The following CDH7 variants were observed in gnomAD, a reference collection of about 807,000 sequenced individuals.
CDH7 encodes the protein cadherin 7.
CDH7 carries 25 observed loss-of-function variants against 71.8 expected under a neutral mutation model. The observed-to-expected ratio is 0.35, with a 90% CI of 0.25 to 0.49. The LOEUF is 0.49. Among genes scored for constraint, CDH7 ranks in the 20% least tolerant of loss-of-function variants. The pLI is 0.99. For synonymous variants in CDH7, 381 were observed against 363.8 expected (o/e 1.05, Z -0.54); for missense variants, 862 against 974.6 (o/e 0.88, Z 1.54).
At chr18:65,827,350 A>G (rs1469709048) in intron 6 of CDH7, among the ~76,000 whole-genome samples, 2 of 151,888 alleles carry the variant, frequency 1.3e-5, no homozygotes, top group African/African-American at 4.8e-5. Context: ...AAATTTCATA[A>G]TATTACTTCT....
At chr18:65,788,758 G>T (rs1599006816) in intron 2 of CDH7, among the ~76,000 whole-genome samples, 1 of 152,294 alleles carries the variant, frequency 6.6e-6, no homozygotes, top group South Asian at 2.1e-4. Flanking sequence ...AAAGGAAAGA[G>T]TTATACCTGC....
rs182660931 is a variant in CDH7, at chr18:65,876,709, C to T, written c.1865-3692C>T. 1.2e-3 allele frequency among the ~76,000 whole-genome samples: 181 copies of T among 152,272 alleles called. 1 individual carries two copies. Among genetic ancestry groups the T allele is most frequent in the African/African-American group, 4.0e-3 (166 of 41,570 alleles). On this transcript the variant is annotated intron_variant, in intron 11 of 11. Coordinates refer to ENST00000397968, the MANE Select transcript of CDH7 (RefSeq NM_004361.5). ...AGTAATTATTACAATTCTACTTTTA[C>T]ATTTATTTATTTTAATGTTTGGATC...
intron 2 of CDH7, among the ~76,000 whole-genome samples, chr18:65,786,380 A>G (rs1910513303): frequency 6.6e-6 from 1 of 152,152 alleles, no homozygotes; most frequent in Non-Finnish European, 1.5e-5. Context: ...ACATTTTACA[A>G]AATTATCATT....
intron 2 of CDH7, among the ~76,000 whole-genome samples, chr18:65,788,622 C>T (rs1910596725): frequency 6.6e-6 from 1 of 152,176 alleles, no homozygotes; most frequent in Admixed American, 6.5e-5. Context: ...CTCTAGCCAC[C>T]TGCAGCCTTC....
At chr18:65,879,920 A>G (rs866446613) in intron 11 of CDH7, among the ~76,000 whole-genome samples, 2 of 152,232 alleles carry the variant, frequency 1.3e-5, no homozygotes, top group African/African-American at 4.8e-5. Context: ...GTTGACTTTC[A>G]TAGAGAAGGA....
chr18:65,824,064 G>A (rs1428900481), intron 5 of CDH7, among the ~76,000 whole-genome samples: 1 of 139,322 alleles, frequency 7.2e-6, no homozygotes, highest in Non-Finnish European at 1.6e-5. Flanking sequence ...AACTAATATT[G>A]TCTAGGCTCC....
intron 11 of CDH7, among the ~76,000 whole-genome samples, chr18:65,875,779 A>G (rs1007274457): frequency 5.3e-5 from 8 of 152,078 alleles, no homozygotes; most frequent in Non-Finnish European, 1.0e-4. Context: ...TGTACAAAAA[A>G]TAGCCATGTG....
At chr18:65,790,164 T>C (rs1368163662) in intron 2 of CDH7, among the ~76,000 whole-genome samples, 1 of 137,692 alleles carries the variant, frequency 7.3e-6, no homozygotes, top group Non-Finnish European at 1.5e-5. Flanking sequence ...GAGTTTGCAG[T>C]GAGCCAAGAT....
chr18:65,805,440 C>G (rs967639308), intron 2 of CDH7, among the ~76,000 whole-genome samples: 4 of 152,110 alleles, frequency 2.6e-5, no homozygotes, highest in Admixed American at 6.5e-5. Flanking sequence ...GATTGGGACT[C>G]ATGCCTAGAA....
chr18:65,803,638 T>A (rs1911204395), intron 2 of CDH7: 1 of 152,088 alleles, frequency 6.6e-6, no homozygotes, highest in Non-Finnish European at 1.5e-5. Context: ...TATACAGTGG[T>A]ATGTGGAAAA....
chr18:65,827,398 G>A (rs1403644827), intron 6 of CDH7, among the ~76,000 whole-genome samples: 5 of 151,818 alleles, frequency 3.3e-5, no homozygotes, highest in African/African-American at 9.6e-5. Flanking sequence ...AATATGTAAC[G>A]AAAGAATTCT....
chr18:65,750,935 C>T (rs1166170131), upstream of CDH7: 2 of 152,256 alleles, frequency 1.3e-5, no homozygotes, highest in African/African-American at 4.8e-5. Flanking sequence ...AGGGTCCCCG[C>T]GCACCGCGGA....
At chr18:65,847,547 A>G (rs1912976075) in intron 7 of CDH7, among the ~76,000 whole-genome samples, 1 of 152,166 alleles carries the variant, frequency 6.6e-6, no homozygotes, top group East Asian at 1.9e-4. Context: ...GTCTTCCTAC[A>G]TGATCCCTGC....
At chr18:65,832,787 G>A (rs72944019) in intron 6 of CDH7, among the ~76,000 whole-genome samples, 32,237 of 151,768 alleles carry the variant, frequency 0.21, 3,709 homozygotes, top group Non-Finnish European at 0.27. Context: ...TTAAAATTAG[G>A]CACTTTAGTC....
chr18:65,816,032 A>C (rs929339091), intron 4 of CDH7, among the ~76,000 whole-genome samples: 1 of 152,206 alleles, frequency 6.6e-6, no homozygotes, highest in Non-Finnish European at 1.5e-5. Context: ...GCTGCAAAAT[A>C]ACAGGATTTC....
At chr18:65,824,898 T>G (rs1054805763) in intron 6 of CDH7, 67 bp downstream of exon 6, 2 of 1,083,160 alleles carry the variant, frequency 1.8e-6, no homozygotes, top group South Asian at 1.8e-5. Flanking sequence ...GATGGGAGAA[T>G]GTACTAGACA....
chr18:65,839,636 A>G (rs1175316021), intron 6 of CDH7, among the ~76,000 whole-genome samples: 1 of 152,230 alleles, frequency 6.6e-6, no homozygotes, highest in African/African-American at 2.4e-5. Context: ...TTAGCTCTTA[A>G]TGTAAAAAAG....
intron 1 of CDH7, among the ~76,000 whole-genome samples, chr18:65,760,874 T>A (rs115406745): frequency 0.028 from 4,294 of 152,258 alleles, 194 homozygotes; most frequent in African/African-American, 0.096. Context: ...CCCTGCCTTT[T>A]TAAACTGTAG....
chr18:65,886,658 G>A lies in CDH7; in HGVS notation c.*5764G>A, dbSNP rs965205547. ...AGTTAAGTGGTCTTCCAGGCATCCAGAGTAGATAAAGAAAATGAAGTTCTA... is the reference window on the plus strand; with the variant it reads ...AGTTAAGTGGTCTTCCAGGCATCCAAAGTAGATAAAGAAAATGAAGTTCTA... On this transcript the variant is annotated 3_prime_UTR_variant, in exon 12 of 12. Transcript: ENST00000397968. 6.6e-6 allele frequency: 1 copy of A among 152,114 alleles called. No homozygotes were observed. The highest frequency in any genetic ancestry group is 1.5e-5 in the Non-Finnish European group (1 of 68,008). The allele number at this position is 152,114 out of a possible 1,614,324, so 9.4% of individuals were successfully genotyped here. A position where few individuals can be genotyped will look rare whatever the true frequency, so the allele number is the denominator to read the frequency against.
Sources: allele counts gnomAD v4.1 joint callset (sites outside exome capture counted in the v4.1 genomes callset), GRCh38; gene constraint gnomAD v4.1.1; transcripts MANE v1.5; gene names NCBI Gene and HGNC (gene_info 2026-07-23, HGNC 2026-07-21).